Variants in RIGI observed in about 807,000 individuals in gnomAD.
RIGI encodes the protein RNA sensor RIG-I.
At chr9:32,525,405 T>C in the RIGI span, among the ~76,000 whole-genome samples, 1 of 152,118 alleles carries the variant, frequency 6.6e-6, no homozygotes, top group Non-Finnish European at 1.5e-5. Context: ...AAGTACCACC[T>C]CCTTTCACCT....
the RIGI span, among the ~76,000 whole-genome samples, chr9:32,484,247 C>G: frequency 6.6e-6 from 1 of 152,046 alleles, no homozygotes; most frequent in Non-Finnish European, 1.5e-5. Context: ...CTAACTAGTT[C>G]ATGAGAGGTT....
At chr9:32,497,840 C>T in the RIGI span, among the ~76,000 whole-genome samples, 1 of 151,958 alleles carries the variant, frequency 6.6e-6, no homozygotes, top group East Asian at 1.9e-4. Flanking sequence ...ATTTGGATAC[C>T]TTGTCTTTCT....
chr9:32,508,894 G>C, the RIGI span, among the ~76,000 whole-genome samples: 1 of 152,116 alleles, frequency 6.6e-6, no homozygotes. Context: ...AGTTGACCTG[G>C]GATGCTCAAG....
the RIGI span, among the ~76,000 whole-genome samples, chr9:32,482,319 T>G: frequency 6.6e-6 from 1 of 152,286 alleles, no homozygotes; most frequent in East Asian, 1.9e-4. Flanking sequence ...ATTTCATATA[T>G]TGGGAAACTG....
chr9:32,480,672 C>T, the RIGI span, among the ~76,000 whole-genome samples: 4 of 152,182 alleles, frequency 2.6e-5, no homozygotes, highest in Non-Finnish European at 5.9e-5. Flanking sequence ...AAATCAACTT[C>T]CACATCAACC....
the RIGI span, among the ~76,000 whole-genome samples, chr9:32,523,504 A>T: frequency 6.6e-6 from 1 of 152,074 alleles, no homozygotes; most frequent in Non-Finnish European, 1.5e-5. Flanking sequence ...TCACCCAAGG[A>T]CCAAAGCCAG....
the RIGI span, chr9:32,526,068 A>G: frequency 1.2e-6 from 2 of 1,613,244 alleles, no homozygotes; most frequent in Non-Finnish European, 1.7e-6. Context: ...CACCCTCCCT[A>G]AACCAGGGGG....
chr9:32,521,816 T>C, the RIGI span, among the ~76,000 whole-genome samples: 1 of 152,160 alleles, frequency 6.6e-6, no homozygotes, highest in Non-Finnish European at 1.5e-5. Context: ...TCAGTAATGA[T>C]GATTATTATG....
chr9:32,477,194 C>T, the RIGI span: 2 of 1,573,924 alleles, frequency 1.3e-6, no homozygotes, highest in South Asian at 2.3e-5. Flanking sequence ...CACACTGTGA[C>T]CTTTAGCTAT....
the RIGI span, among the ~76,000 whole-genome samples, chr9:32,467,027 A>G: frequency 3.0e-4 from 46 of 152,350 alleles, no homozygotes; most frequent in African/African-American, 1.0e-3. Flanking sequence ...TATAGGCTTT[A>G]TATGTTCAAA....
At chr9:32,463,733 C>G in the RIGI span, among the ~76,000 whole-genome samples, 2 of 151,748 alleles carry the variant, frequency 1.3e-5, no homozygotes, top group Admixed American at 6.6e-5. Flanking sequence ...CAGCCTAGCT[C>G]CACACACTGA....
At chr9:32,511,596 A>C in the RIGI span, among the ~76,000 whole-genome samples, 1 of 151,800 alleles carries the variant, frequency 6.6e-6, no homozygotes, top group Non-Finnish European at 1.5e-5. Context: ...GTAGATGGAA[A>C]TTTATAGCAC....
the RIGI span, among the ~76,000 whole-genome samples, chr9:32,514,739 C>T: frequency 1.3e-5 from 2 of 152,052 alleles, no homozygotes; most frequent in Non-Finnish European, 2.9e-5. Flanking sequence ...AAAAGAAATG[C>T]TTGACTATTG....
chr9:32,473,223 C>G, the RIGI span, among the ~76,000 whole-genome samples: 1 of 150,190 alleles, frequency 6.7e-6, no homozygotes, highest in Non-Finnish European at 1.5e-5. Context: ...GAATTGAACT[C>G]TATGTAATAA....
At chr9:32,514,754 T>C in the RIGI span, among the ~76,000 whole-genome samples, 14 of 152,218 alleles carry the variant, frequency 9.2e-5, no homozygotes, top group African/African-American at 3.4e-4. Context: ...CTATTGCACT[T>C]ACCTTTGTGG....
chr9:32,488,140 C>G, the RIGI span: 20 of 1,613,904 alleles, frequency 1.2e-5, no homozygotes, highest in Non-Finnish European at 1.5e-5. Flanking sequence ...TGTCATTGTT[C>G]TCAACAATCT....
the RIGI span, among the ~76,000 whole-genome samples, chr9:32,483,457 G>A: frequency 2.6e-5 from 4 of 152,122 alleles, no homozygotes; most frequent in African/African-American, 7.2e-5. Flanking sequence ...GGCAGGGTAC[G>A]GGAGGTGGGA....
chr9:32,519,833 T>TA, the RIGI span, among the ~76,000 whole-genome samples: 76 of 152,346 alleles, frequency 5.0e-4, no homozygotes, highest in Admixed American at 1.6e-3. Flanking sequence ...GTGTTTTTTT[T>TA]ATCCTAAGCC....
chr9:32,480,505 T>TA, the RIGI span: 1 of 676,422 alleles, frequency 1.5e-6, no homozygotes, highest in Admixed American at 3.7e-5. Flanking sequence ...GAATGGCCTC[T>TA]AACAGTTATG....
Sources: allele counts gnomAD v4.1 joint callset (sites outside exome capture counted in the v4.1 genomes callset), GRCh38; gene constraint gnomAD v4.1.1; transcripts MANE v1.5; gene names NCBI Gene and HGNC (gene_info 2026-07-23, HGNC 2026-07-21).